MSRB3: variants seen among roughly 807,000 people sequenced by gnomAD.
The protein encoded by MSRB3 is methionine-R-sulfoxide reductase B3.
MSRB3 carries 13 observed loss-of-function variants against 21.0 expected under a neutral mutation model. That is an observed-to-expected ratio of 0.62 (90% CI 0.40 to 0.98). The LOEUF is 0.98. Among genes scored for constraint, MSRB3 ranks in the 50% least tolerant of loss-of-function variants. The probability of loss-of-function intolerance (pLI) is 0.00; values close to 1 mark genes in which losing one functional copy is unlikely to be tolerated. For synonymous variants in MSRB3, 87 were observed against 88.6 expected, an observed-to-expected ratio of 0.98 and a Z score of 0.10; for missense variants, 199 against 230.3, an observed-to-expected ratio of 0.86 and a Z score of 0.88.
intron 6 of MSRB3, among the ~76,000 whole-genome samples, chr12:65,458,064 G>C (rs1173841104): frequency 6.6e-6 from 1 of 152,144 alleles, no homozygotes. Context: ...GTGTTATGTG[G>C]TGTATTTCTT....
Position 65,352,984 on chromosome 12 carries a change from CA to C in MSRB3, c.264-16005del, listed in dbSNP as rs201773516. On this transcript the variant is annotated intron_variant, in intron 4 of 6. Transcript: ENST00000308259. Reference sequence around the variant, plus strand: ...AACTACTTTAAAGTTCATATGGAACCAAAAAAAAAGCCCGCATCGCCAAGGC... The same window carrying C: ...AACTACTTTAAAGTTCATATGGAACCAAAAAAAAGCCCGCATCGCCAAGGC... 2.0e-4 allele frequency among the ~76,000 whole-genome samples: 30 copies of C among 149,474 alleles called. No homozygotes were observed. In the East Asian group the frequency reaches 4.9e-3, roughly 24 times the overall value.
chr12:65,403,176 C>G (rs553906239), intron 5 of MSRB3, among the ~76,000 whole-genome samples: 1 of 152,214 alleles, frequency 6.6e-6, no homozygotes. Flanking sequence ...CAGGCAGGAA[C>G]GTTTAAGTCT....
intron 5 of MSRB3, among the ~76,000 whole-genome samples, chr12:65,432,415 G>A (rs1394504585): frequency 6.6e-6 from 1 of 151,952 alleles, no homozygotes; most frequent in Non-Finnish European, 1.5e-5. Context: ...GGGGGGAAAA[G>A]CTTGATGGTT....
chr12:65,378,597 G>A (rs531319434), intron 5 of MSRB3, among the ~76,000 whole-genome samples: 1 of 152,310 alleles, frequency 6.6e-6, no homozygotes, highest in Admixed American at 6.5e-5. Context: ...GTGGCCATTA[G>A]TAGGCCATTA....
chr12:65,329,609 C>T (rs1875278603), intron 4 of MSRB3, among the ~76,000 whole-genome samples: 1 of 150,082 alleles, frequency 6.7e-6, no homozygotes, highest in Non-Finnish European at 1.5e-5. Flanking sequence ...AAGTGTGCCA[C>T]TGCACTCAAG....
intron 4 of MSRB3, among the ~76,000 whole-genome samples, chr12:65,350,121 T>A (rs1384485645): frequency 2.6e-5 from 4 of 151,992 alleles, no homozygotes; most frequent in African/African-American, 7.2e-5. Context: ...TTCAGCTATC[T>A]ACATATGGCT....
At chr12:65,416,825 A>G (rs1881004809) in intron 5 of MSRB3, among the ~76,000 whole-genome samples, 1 of 152,164 alleles carries the variant, frequency 6.6e-6, no homozygotes, top group South Asian at 2.1e-4. Context: ...AGGAATATGT[A>G]CTGGTGGGGA....
chr12:65,343,656 G>A (rs1230916212), intron 4 of MSRB3, among the ~76,000 whole-genome samples: 1 of 151,984 alleles, frequency 6.6e-6, no homozygotes, highest in Admixed American at 6.6e-5. Flanking sequence ...GAAAATCAAA[G>A]CTCACAAAGG....
At chr12:65,350,325 G>A (rs1197348733) in intron 4 of MSRB3, among the ~76,000 whole-genome samples, 3 of 151,960 alleles carry the variant, frequency 2.0e-5, no homozygotes, top group Non-Finnish European at 4.4e-5. Context: ...TTGCAGTATA[G>A]TTTGAAGTCA....
At chr12:65,380,392 A>G (rs985892918) in intron 5 of MSRB3, among the ~76,000 whole-genome samples, 5 of 152,114 alleles carry the variant, frequency 3.3e-5, no homozygotes, top group South Asian at 4.2e-4. Flanking sequence ...CCTGGCCAAC[A>G]TGGTGAAAAC....
chr12:65,335,483 C>T (rs66798050), intron 4 of MSRB3, among the ~76,000 whole-genome samples: 3,429 of 152,232 alleles, frequency 0.023, 65 homozygotes, highest in Non-Finnish European at 0.035. Flanking sequence ...GAACATAAGC[C>T]CTTTCACTGA....
At chr12:65,385,075 AG>A (rs923799282) in intron 5 of MSRB3, among the ~76,000 whole-genome samples, 10 of 152,074 alleles carry the variant, frequency 6.6e-5, no homozygotes, top group African/African-American at 2.2e-4. Flanking sequence ...TCCTTCACTG[AG>A]GTTATGTGTA....
At chr12:65,419,846 C>G (rs55972016) in intron 5 of MSRB3, 145,844 of 720,628 alleles carry the variant, frequency 0.2, 17,268 homozygotes, top group Admixed American at 0.26. Context: ...CCCTGGACCC[C>G]AAGCAGCCCC....
intron 1 of MSRB3, among the ~76,000 whole-genome samples, chr12:65,303,501 A>G (rs967197963): frequency 2.6e-5 from 4 of 152,170 alleles, no homozygotes; most frequent in South Asian, 2.1e-4. Flanking sequence ...AATATATTTT[A>G]ATTCAAATTA....
At chr12:65,448,718 T>C (rs1461295288) in intron 5 of MSRB3, among the ~76,000 whole-genome samples, 1 of 152,214 alleles carries the variant, frequency 6.6e-6, no homozygotes, top group Non-Finnish European at 1.5e-5. Context: ...ATTTAAACAA[T>C]AACATGACTG....
At chr12:65,321,623 A>G (rs964122602) in intron 2 of MSRB3, among the ~76,000 whole-genome samples, 1 of 152,222 alleles carries the variant, frequency 6.6e-6, no homozygotes, top group Non-Finnish European at 1.5e-5. Context: ...GTCTTATCTT[A>G]AAGCCTTTAT....
chr12:65,440,489 C>T (rs990216458), intron 5 of MSRB3, among the ~76,000 whole-genome samples: 3 of 151,768 alleles, frequency 2.0e-5, no homozygotes, highest in Non-Finnish European at 4.4e-5. Context: ...TTGTGTGAAA[C>T]AGCCATTACA....
At chr12:65,434,251 T>C (rs1882017952) in intron 5 of MSRB3, among the ~76,000 whole-genome samples, 1 of 151,918 alleles carries the variant, frequency 6.6e-6, no homozygotes, top group African/African-American at 2.4e-5. Flanking sequence ...GTCCAGCTCC[T>C]TTGGAATTGG....
intron 5 of MSRB3, chr12:65,418,636 T>C: frequency 4.9e-6 from 3 of 610,826 alleles, no homozygotes; most frequent in Non-Finnish European, 2.9e-6. Flanking sequence ...TTTTTACATC[T>C]CTAATCCATT....
Sources: gnomAD v4.1 joint callset for allele counts (sites outside exome capture counted in the v4.1 genomes callset) on GRCh38, gnomAD v4.1.1 for gene constraint, MANE v1.5 for transcripts, NCBI Gene and HGNC (gene_info 2026-07-23, HGNC 2026-07-21) for gene names.